TBC1D32: variants seen among roughly 807,000 people sequenced by gnomAD.
TBC1D32 encodes protein broad-minded.
In TBC1D32, 151 loss-of-function variants were observed where a neutral mutation model predicts 170.3. The ratio of observed to expected loss-of-function variants is 0.89; its 90% CI spans 0.78 to 1.01. The LOEUF is 1.01. Ranked by LOEUF, TBC1D32 falls within the 50% of genes least tolerant of loss-of-function variation. The pLI, the probability that TBC1D32 is intolerant of heterozygous loss-of-function variation, is 0.00. For synonymous variants in TBC1D32, 498 were observed against 488.0 expected, an observed-to-expected ratio of 1.02 and a Z score of -0.27; for missense variants, 1,464 against 1,457.1, an observed-to-expected ratio of 1.00 and a Z score of -0.08.
Position 121,304,629 on chromosome 6 carries a change from A to C in TBC1D32, c.770-4T>G. The C allele has an allele frequency of 6.5e-7, 1 of 1,548,736 alleles. No individual in the cohort carries two copies. The highest frequency in any genetic ancestry group is 2.3e-5 in the East Asian group (1 of 43,796). On this transcript the variant is annotated splice_region_variant and splice_polypyrimidine_tract_variant and intron_variant, in intron 6 of 31. Coordinates refer to ENST00000398212, the MANE Select transcript of TBC1D32 (RefSeq NM_152730.6). ...AAGTATGACTCCAAATACTTAGCTG[A>C]AAAAAAAGGGAAAACATAAAATTAC...
chr6:121,284,462 A>C (rs998843138), intron 12 of TBC1D32, among the ~76,000 whole-genome samples: 12 of 152,182 alleles, frequency 7.9e-5, no homozygotes, highest in African/African-American at 2.9e-4. Context: ...GTGTGCACTA[A>C]AATTTAATGT....
chr6:121,314,878 T>C (rs1808709504), intron 3 of TBC1D32, among the ~76,000 whole-genome samples: 2 of 152,178 alleles, frequency 1.3e-5, no homozygotes, highest in South Asian at 4.1e-4. Context: ...CTTTAAGAGA[T>C]ATCAACAATA....
chr6:121,086,668 C>A (rs1776296846), intron 31 of TBC1D32, among the ~76,000 whole-genome samples: 1 of 152,076 alleles, frequency 6.6e-6, no homozygotes, highest in African/African-American at 2.4e-5. Context: ...GCTTCACAAC[C>A]TGATTTTCAC....
intron 22 of TBC1D32, among the ~76,000 whole-genome samples, chr6:121,192,928 C>T (rs1056609601): frequency 1.3e-5 from 2 of 152,132 alleles, no homozygotes; most frequent in Admixed American, 6.5e-5. Flanking sequence ...AATGTTGATT[C>T]TCCTCAGGAG....
At chr6:121,080,945 A>T in intron 31 of TBC1D32, 55 bp from the exon 32 acceptor site, 1 of 1,580,830 alleles carries the variant, frequency 6.3e-7, no homozygotes, top group Non-Finnish European at 8.6e-7. Flanking sequence ...CACAATTCCA[A>T]GTTAATGAAT....
At chr6:121,140,591 G>T (rs1782667802) in intron 24 of TBC1D32, among the ~76,000 whole-genome samples, 1 of 151,954 alleles carries the variant, frequency 6.6e-6, no homozygotes, top group Admixed American at 6.6e-5. Flanking sequence ...TATCAGATAA[G>T]CAGAAATGTG....
At chr6:121,195,930 A>T (rs929127381) in intron 22 of TBC1D32, among the ~76,000 whole-genome samples, 5 of 152,184 alleles carry the variant, frequency 3.3e-5, no homozygotes, top group African/African-American at 1.2e-4. Flanking sequence ...GTGTAATTAT[A>T]CACTGATTCA....
intron 30 of TBC1D32, among the ~76,000 whole-genome samples, chr6:121,097,387 T>C (rs1194379022): frequency 1.3e-5 from 2 of 152,090 alleles, no homozygotes; most frequent in African/African-American, 4.8e-5. Context: ...GCAAAGGATA[T>C]GAACAGACAC....
At chr6:121,141,660 C>T (rs1318408274) in intron 24 of TBC1D32, among the ~76,000 whole-genome samples, 3 of 151,972 alleles carry the variant, frequency 2.0e-5, no homozygotes, top group African/African-American at 7.2e-5. Context: ...ATGTCAGCTG[C>T]TCAAATGATT....
intron 22 of TBC1D32, among the ~76,000 whole-genome samples, chr6:121,194,269 G>A (rs1562853460): frequency 6.6e-6 from 1 of 152,196 alleles, no homozygotes; most frequent in Non-Finnish European, 1.5e-5. Context: ...GAAGCTGGCA[G>A]AATGCCCACA....
chr6:121,286,234 C>A lies in TBC1D32; in HGVS notation c.1373-2324G>T, dbSNP rs578245598. Reference sequence around the variant, plus strand: ...GAACCCATGGCAAAGAAGTTGAAAACCTTGAAAAAAAATTGGATAAATGGC... The same window carrying A: ...GAACCCATGGCAAAGAAGTTGAAAAACTTGAAAAAAAATTGGATAAATGGC... On this transcript the variant is annotated intron_variant, in intron 12 of 31. Transcript: ENST00000398212. Among the ~76,000 whole-genome samples, 3 of 151,980 alleles carry A rather than the reference C, an allele frequency of 2.0e-5. No individual in the cohort carries two copies. The South Asian group carries it at 6.2e-4, about 32-fold the overall frequency.
At chr6:121,195,526 C>A (rs1245786792) in intron 22 of TBC1D32, among the ~76,000 whole-genome samples, 1 of 152,184 alleles carries the variant, frequency 6.6e-6, no homozygotes, top group African/African-American at 2.4e-5. Flanking sequence ...TAAAGTGGGT[C>A]ATACACAGCA....
At chr6:121,190,073 GACACACACACACACACACACACAC>G (rs533974518) in intron 22 of TBC1D32, among the ~76,000 whole-genome samples, 19 of 63,674 alleles carry the variant, frequency 3.0e-4, no homozygotes, top group East Asian at 1.5e-3. Flanking sequence ...GCCCAATACA[GACACACACACACACACACACACAC>G]ACACACACAC....
intron 20 of TBC1D32, among the ~76,000 whole-genome samples, chr6:121,228,010 C>T (rs1445463967): frequency 6.6e-6 from 1 of 151,894 alleles, no homozygotes; most frequent in African/African-American, 2.4e-5. Context: ...GTTTTGGTAA[C>T]CCTACTTTTA....
chr6:121,112,454 T>C (rs1254549307), intron 29 of TBC1D32, 51 bp downstream of exon 29: 3 of 1,504,900 alleles, frequency 2.0e-6, no homozygotes, highest in African/African-American at 1.4e-5. Context: ...AATGTAAGTA[T>C]AATGTTCTTA....
chr6:121,170,263 T>C (rs1331907742), intron 22 of TBC1D32: 2 of 853,340 alleles, frequency 2.3e-6, no homozygotes, highest in Non-Finnish European at 3.4e-6. Context: ...ATTTACACTT[T>C]AGCTGCTTTG....
chr6:121,171,082 C>T (rs1379818392), intron 22 of TBC1D32, among the ~76,000 whole-genome samples: 1 of 151,888 alleles, frequency 6.6e-6, no homozygotes, highest in East Asian at 1.9e-4. Context: ...ATACACTGCA[C>T]TGTCTATGAA....
In TBC1D32 at chr6:121,321,812, A is replaced by G. The variant is rs1407278853; in HGVS notation, c.156-18T>C. 1.9e-6 allele frequency: 3 copies of G among 1,598,340 alleles called. No homozygotes were observed. The highest frequency in any genetic ancestry group is 2.6e-6 in the Non-Finnish European group (3 of 1,173,264). On this transcript the variant is annotated intron_variant, in intron 1 of 31. Transcript: ENST00000398212. ...ATTCATAGCTGAAACAAATATTTAG[A>G]AAATAAATGCGGTAAATATCATAAG...
intron 17 of TBC1D32, among the ~76,000 whole-genome samples, chr6:121,252,151 A>G (rs1224586301): frequency 1.3e-5 from 2 of 152,164 alleles, no homozygotes; most frequent in African/African-American, 4.8e-5. Flanking sequence ...CAACCATTGT[A>G]GAAGACAGTG....
Sources: gnomAD v4.1 joint callset for allele counts (sites outside exome capture counted in the v4.1 genomes callset) on GRCh38, gnomAD v4.1.1 for gene constraint, MANE v1.5 for transcripts, NCBI Gene and HGNC (gene_info 2026-07-23, HGNC 2026-07-21) for gene names.